LRRC7: variants seen among roughly 807,000 people sequenced by gnomAD.
The protein encoded by LRRC7 is leucine-rich repeat-containing protein 7.
A neutral mutation model predicts 175.7 loss-of-function variants in LRRC7; 23 were observed. The ratio of observed to expected loss-of-function variants is 0.13; its 90% CI spans 0.09 to 0.19. The LOEUF (loss-of-function observed/expected upper bound fraction) is 0.19, where lower values mean the gene tolerates loss of function less well. LRRC7 is among the 10% of genes least tolerant of loss of function. The pLI is 1.00. For synonymous variants in LRRC7, 685 were observed against 680.9 expected, an observed-to-expected ratio of 1.01 and a Z score of -0.09; for missense variants, 1,354 against 1,904.7, an observed-to-expected ratio of 0.71 and a Z score of 5.38.
At chr1:69,846,647 C>G (rs957684433) in intron 7 of LRRC7, among the ~76,000 whole-genome samples, 1 of 152,072 alleles carries the variant, frequency 6.6e-6, no homozygotes, top group African/African-American at 2.4e-5. Flanking sequence ...TATTTACCTT[C>G]TTTGAATCTC....
chr1:69,586,754 A>C (rs1375525560), intron 1 of LRRC7, among the ~76,000 whole-genome samples: 3 of 152,176 alleles, frequency 2.0e-5, no homozygotes, highest in Admixed American at 2.0e-4. Flanking sequence ...AGTTTATTCT[A>C]GGCATTTTGA....
At chr1:69,975,676 G>T (rs1224097806) in intron 8 of LRRC7, among the ~76,000 whole-genome samples, 3 of 152,146 alleles carry the variant, frequency 2.0e-5, no homozygotes, top group Non-Finnish European at 4.4e-5. Context: ...TATGTTAACA[G>T]ATTACCTCAT....
chr1:70,064,599 G>GAT (rs1021028841), intron 23 of LRRC7, among the ~76,000 whole-genome samples: 13 of 151,694 alleles, frequency 8.6e-5, no homozygotes, highest in Admixed American at 7.2e-4. Flanking sequence ...GAATATATTT[G>GAT]ATATATATAT....
chr1:69,626,129 TTCAG>T (rs1199620177), intron 1 of LRRC7, among the ~76,000 whole-genome samples: 55 of 152,314 alleles, frequency 3.6e-4, no homozygotes, highest in African/African-American at 1.3e-3. Context: ...TGAGATGGAT[TTCAG>T]TCCATCTTGG....
At chr1:69,645,594 T>C (rs1294424348) in intron 1 of LRRC7, among the ~76,000 whole-genome samples, 2 of 152,094 alleles carry the variant, frequency 1.3e-5, no homozygotes, top group African/African-American at 2.4e-5. Context: ...TGGGTAATTC[T>C]TCAGGATCAC....
At chr1:69,855,019 G>A (rs2101487070) in intron 7 of LRRC7, among the ~76,000 whole-genome samples, 1 of 152,072 alleles carries the variant, frequency 6.6e-6, no homozygotes, top group Admixed American at 6.6e-5. Flanking sequence ...TATGTATTTA[G>A]GCATTATATG....
intron 8 of LRRC7, among the ~76,000 whole-genome samples, chr1:69,960,883 G>A (rs538963370): frequency 7.9e-5 from 12 of 152,066 alleles, no homozygotes; most frequent in African/African-American, 2.9e-4. Context: ...TCATACTGAA[G>A]GGGCAAAAGC....
At chr1:69,620,591 G>A (rs1650406059) in intron 1 of LRRC7, among the ~76,000 whole-genome samples, 1 of 152,190 alleles carries the variant, frequency 6.6e-6, no homozygotes, top group South Asian at 2.1e-4. Context: ...CAGTGTCTTG[G>A]TGTATGTCCA....
chr1:69,958,504 A>C (rs1650721721), intron 8 of LRRC7, among the ~76,000 whole-genome samples: 1 of 152,072 alleles, frequency 6.6e-6, no homozygotes, highest in Non-Finnish European at 1.5e-5. Context: ...CATCTATAAA[A>C]ATGGTATCTT....
intron 3 of LRRC7, among the ~76,000 whole-genome samples, chr1:69,783,314 T>C (rs1233247555): frequency 6.6e-6 from 1 of 152,240 alleles, no homozygotes; most frequent in Non-Finnish European, 1.5e-5. Flanking sequence ...CATAGAATTC[T>C]GGTGACCCAG....
intron 25 of LRRC7, among the ~76,000 whole-genome samples, 199 bp from the exon 26 acceptor site, chr1:70,107,545 CTTCTTTTT>C (rs1665227293): frequency 6.6e-6 from 1 of 152,124 alleles, no homozygotes; most frequent in East Asian, 1.9e-4. Flanking sequence ...ACAAGATAAG[CTTCTTTTT>C]GCAAGCAAAA....
Position 69,568,541 on chromosome 1 carries a change from GC to G in LRRC7, c.-96del. On this transcript the variant is annotated 5_prime_UTR_variant, in exon 1 of 27. Coordinates refer to ENST00000651989, the MANE Select transcript of LRRC7 (RefSeq NM_001370785.2). ...CCTCTTCTCCTCCGAAGACCCTGGC[GC>G]CCACTCCACTGCGGACCCCTGAACA... 8.5e-7 allele frequency: 1 copy of G among 1,176,836 alleles called. No homozygotes were observed. The highest frequency in any genetic ancestry group is 1.1e-6 in the Non-Finnish European group (1 of 877,988). The allele number at this position is 1,176,836 out of a possible 1,614,324, so 72.9% of individuals were successfully genotyped here.
chr1:69,576,068 C>CT (rs61312952), intron 1 of LRRC7, among the ~76,000 whole-genome samples: 118,719 of 145,936 alleles, frequency 0.81, 48,390 homozygotes, highest in African/African-American at 0.89. Context: ...GTTGTATCTA[C>CT]TTTTTTTTTT....
At chr1:70,111,056 A>C (rs1665494523) in intron 26 of LRRC7, among the ~76,000 whole-genome samples, 1 of 152,206 alleles carries the variant, frequency 6.6e-6, no homozygotes, top group African/African-American at 2.4e-5. Context: ...AAGTAAAAGA[A>C]GAGAAAAAAG....
chr1:69,640,765 C>G (rs892745484), intron 1 of LRRC7, among the ~76,000 whole-genome samples: 2 of 150,112 alleles, frequency 1.3e-5, no homozygotes, highest in African/African-American at 2.5e-5. Flanking sequence ...AAAGGTAATT[C>G]AGGTTTAAAT....
intron 26 of LRRC7, among the ~76,000 whole-genome samples, chr1:70,110,391 A>T (rs1032669752): frequency 1.7e-4 from 26 of 152,150 alleles, no homozygotes; most frequent in African/African-American, 5.3e-4. Flanking sequence ...AAAAAATAAA[A>T]AATAAAAATA....
chr1:69,659,692 TA>T (rs1281714098), intron 1 of LRRC7, among the ~76,000 whole-genome samples: 2 of 151,920 alleles, frequency 1.3e-5, no homozygotes, highest in African/African-American at 4.8e-5. Flanking sequence ...AGAGAGGGTT[TA>T]AAAAATGTCT....
chr1:69,579,692 C>T (rs1027117556), intron 1 of LRRC7, among the ~76,000 whole-genome samples: 5 of 151,986 alleles, frequency 3.3e-5, no homozygotes, highest in African/African-American at 1.2e-4. Flanking sequence ...CAGTTTCCCT[C>T]AATTCCTTCT....
At chr1:70,087,608 T>C (rs1304585725) in intron 24 of LRRC7, among the ~76,000 whole-genome samples, 2 of 152,124 alleles carry the variant, frequency 1.3e-5, no homozygotes, top group Non-Finnish European at 2.9e-5. Flanking sequence ...AATATAAAAA[T>C]ACAAAGTATT....
Sources: gnomAD v4.1 joint callset for allele counts (sites outside exome capture counted in the v4.1 genomes callset) on GRCh38, gnomAD v4.1.1 for gene constraint, MANE v1.5 for transcripts, NCBI Gene and HGNC (gene_info 2026-07-23, HGNC 2026-07-21) for gene names.